The following EYA1 variants were observed in gnomAD, a reference collection of about 807,000 sequenced individuals.
EYA1 encodes protein phosphatase EYA1.
In EYA1, 16 loss-of-function variants were observed where a neutral mutation model predicts 82.0. The observed-to-expected ratio is 0.20, with a 90% CI of 0.13 to 0.30. EYA1 has a LOEUF of 0.30. Among genes scored for constraint, EYA1 ranks in the 10% least tolerant of loss-of-function variants. The probability of loss-of-function intolerance (pLI) is 1.00; values close to 1 mark genes in which losing one functional copy is unlikely to be tolerated. For missense variants in EYA1, 633 were observed against 730.7 expected, an observed-to-expected ratio of 0.87 and a Z score of 1.54; for synonymous variants, 261 against 264.4, an observed-to-expected ratio of 0.99 and a Z score of 0.12.
At position 71,216,639 on chromosome 8, in the gene EYA1, G is replaced by A. The variant is rs4737312; in HGVS notation, c.1360+53C>T. ...GACACAAAAGTGTACAGTACTTTTG[G>A]AATTGTATCTGGACTGTCTTAACTT... is the stretch of plus-strand genomic sequence containing the variant. On this transcript the variant is annotated intron_variant, in intron 14 of 17. Transcript: ENST00000340726. The A allele has an allele frequency of 0.32, 509,816 of 1,577,246 alleles. 89,967 individuals carry two copies. The highest frequency in any genetic ancestry group is 0.76 in the East Asian group (33,913 of 44,696).
At chr8:71,517,061 G>C (rs781437707) in intron 2 of EYA1, among the ~76,000 whole-genome samples, 1 of 151,994 alleles carries the variant, frequency 6.6e-6, no homozygotes, top group East Asian at 1.9e-4. Flanking sequence ...AGTGCTCATA[G>C]TTGGCCCCTT....
In EYA1 at chr8:71,200,913, C is replaced by T. The variant is rs551059866; in HGVS notation, c.1699-1493G>A. ...AACACTCTGATGGTTATGTGCATTG[C>T]AGGACAGAAAACTAGTTATGAAAGA... On this transcript the variant is annotated intron_variant, in intron 17 of 17. Transcript: ENST00000340726. Among the ~76,000 whole-genome samples, 7 of 149,978 alleles carry T rather than the reference C, an allele frequency of 4.7e-5. 1 individual carries two copies. The East Asian group carries it at 9.9e-4, about 21-fold the overall frequency.
chr8:71,204,770 C>T (rs144018899), intron 17 of EYA1, among the ~76,000 whole-genome samples: 44 of 152,306 alleles, frequency 2.9e-4, no homozygotes, highest in African/African-American at 1.0e-3. Flanking sequence ...ATTACAAATA[C>T]TTTTCAAATT....
intron 2 of EYA1, among the ~76,000 whole-genome samples, chr8:71,409,745 CA>C (rs1422222476): frequency 3.7e-5 from 4 of 109,096 alleles, no homozygotes; most frequent in Non-Finnish European, 7.6e-5. Flanking sequence ...GTTTACCAAC[CA>C]AAAAGAGTCC....
At chr8:71,204,770 C>G (rs144018899) in intron 17 of EYA1, among the ~76,000 whole-genome samples, 1 of 152,188 alleles carries the variant, frequency 6.6e-6, no homozygotes, top group Non-Finnish European at 1.5e-5. Context: ...ATTACAAATA[C>G]TTTTCAAATT....
chr8:71,352,457 T>G lies in EYA1; in HGVS notation c.124+2325A>C, dbSNP rs566726546. Among the ~76,000 whole-genome samples the G allele has an allele frequency of 3.9e-5, 6 of 152,326 alleles. No homozygotes were observed. In the South Asian group the frequency reaches 1.2e-3, roughly 32 times the overall value. ...AAAATAAAACAATATCTCAGGAGACTGAGAAACTTCATTTATTCTCATTTA... is the reference window on the plus strand; with the variant it reads ...AAAATAAAACAATATCTCAGGAGACGGAGAAACTTCATTTATTCTCATTTA... On this transcript the variant is annotated intron_variant, in intron 3 of 17. Transcript: ENST00000340726.
chr8:71,396,546 T>C (rs186758329), intron 2 of EYA1, among the ~76,000 whole-genome samples: 18 of 152,360 alleles, frequency 1.2e-4, no homozygotes, highest in Admixed American at 5.2e-4. Flanking sequence ...CATTTCGTTA[T>C]ATAGCCAGTA....
chr8:71,470,907 C>G (rs979979328), intron 2 of EYA1: 4 of 454,442 alleles, frequency 8.8e-6, no homozygotes, highest in Non-Finnish European at 1.8e-5. Context: ...AATGTCGTAA[C>G]ATATTGAACA....
At chr8:71,487,119 G>A (rs1387760711) in intron 2 of EYA1, among the ~76,000 whole-genome samples, 4 of 151,208 alleles carry the variant, frequency 2.6e-5, no homozygotes, top group Non-Finnish European at 5.9e-5. Flanking sequence ...GGAGTACCAG[G>A]AAACAATCTC....
chr8:71,500,389 T>TA (rs1811726959), intron 2 of EYA1, among the ~76,000 whole-genome samples: 1 of 152,208 alleles, frequency 6.6e-6, no homozygotes, highest in Non-Finnish European at 1.5e-5. Flanking sequence ...AGACAACTTC[T>TA]TGAGTCTTGA....
At chr8:71,252,815 G>A (rs1430136976) in intron 11 of EYA1, among the ~76,000 whole-genome samples, 1 of 152,194 alleles carries the variant, frequency 6.6e-6, no homozygotes, top group Non-Finnish European at 1.5e-5. Context: ...GCCATGTCAT[G>A]TGATTGCTTT....
intron 7 of EYA1, among the ~76,000 whole-genome samples, chr8:71,314,374 A>C (rs1821670741): frequency 6.6e-6 from 1 of 152,186 alleles, no homozygotes; most frequent in African/African-American, 2.4e-5. Context: ...TCTGTAGCAA[A>C]TTATATAGCA....
chr8:71,215,079 T>C (rs539801629), intron 16 of EYA1, among the ~76,000 whole-genome samples: 1 of 152,328 alleles, frequency 6.6e-6, no homozygotes, highest in East Asian at 1.9e-4. Context: ...GAAAATCAGA[T>C]ATTTTTGTTA....
intron 9 of EYA1, among the ~76,000 whole-genome samples, chr8:71,276,004 T>C (rs1394234711): frequency 6.6e-6 from 1 of 152,226 alleles, no homozygotes; most frequent in African/African-American, 2.4e-5. Flanking sequence ...GTGTGAATAT[T>C]GGTGTTCTCT....
intron 6 of EYA1, among the ~76,000 whole-genome samples, chr8:71,320,905 A>G (rs1309336615): frequency 6.6e-6 from 1 of 152,100 alleles, no homozygotes; most frequent in African/African-American, 2.4e-5. Flanking sequence ...TATTCTATCA[A>G]TCCTTTCCTC....
intron 2 of EYA1, among the ~76,000 whole-genome samples, chr8:71,459,368 G>T (rs1267275728): frequency 6.6e-6 from 1 of 152,096 alleles, no homozygotes; most frequent in Non-Finnish European, 1.5e-5. Context: ...GGGTATACTG[G>T]ATTTCAAAAC....
At chr8:71,401,336 A>G (rs1829947267) in intron 2 of EYA1, among the ~76,000 whole-genome samples, 1 of 152,220 alleles carries the variant, frequency 6.6e-6, no homozygotes, top group South Asian at 2.1e-4. Context: ...CTATTTTATT[A>G]CCTTTCAACA....
chr8:71,434,567 A>C (rs1805866240), intron 2 of EYA1, among the ~76,000 whole-genome samples: 1 of 152,168 alleles, frequency 6.6e-6, no homozygotes. Flanking sequence ...TAGAAGATAG[A>C]AGTCTCCCAA....
intron 2 of EYA1, among the ~76,000 whole-genome samples, chr8:71,519,772 T>C (rs1813251058): frequency 6.6e-6 from 1 of 152,188 alleles, no homozygotes; most frequent in Non-Finnish European, 1.5e-5. Context: ...AGGCTCTGCC[T>C]TCTTAGGCCA....
Sources: gnomAD v4.1 joint callset for allele counts (sites outside exome capture counted in the v4.1 genomes callset) on GRCh38, gnomAD v4.1.1 for gene constraint, MANE v1.5 for transcripts, NCBI Gene and HGNC (gene_info 2026-07-23, HGNC 2026-07-21) for gene names.